MYO5A: variants seen among roughly 807,000 people sequenced by gnomAD.
MYO5A encodes the protein unconventional myosin-Va.
A neutral mutation model predicts 249.7 loss-of-function variants in MYO5A; 98 were observed. The observed-to-expected ratio is 0.39, with a 90% CI of 0.33 to 0.46. The LOEUF is 0.46. MYO5A is among the 20% of genes least tolerant of loss of function. The pLI, the probability that MYO5A is intolerant of heterozygous loss-of-function variation, is 0.98. For missense variants in MYO5A, 1,696 were observed against 2,308.8 expected, an observed-to-expected ratio of 0.73 and a Z score of 5.44; for synonymous variants, 778 against 810.6, an observed-to-expected ratio of 0.96 and a Z score of 0.68.
chr15:52,528,937 G>A (rs2141688894), upstream of MYO5A: 1 of 703,442 alleles, frequency 1.4e-6, no homozygotes, highest in East Asian at 8.3e-5. Flanking sequence ...GGGCGGGGAG[G>A]GCCGCGCGGG....
intron 10 of MYO5A, 102 bp downstream of exon 10, chr15:52,397,099 C>G: frequency 7.1e-7 from 1 of 1,400,848 alleles, no homozygotes; most frequent in Non-Finnish European, 9.9e-7. Flanking sequence ...AGTTTCCCTT[C>G]TCTTTACCAG....
At chr15:52,402,958 C>T (rs1344124440) in intron 9 of MYO5A, among the ~76,000 whole-genome samples, 1 of 152,190 alleles carries the variant, frequency 6.6e-6, no homozygotes, top group East Asian at 1.9e-4. Context: ...ATCAAATCAA[C>T]AAAGTTGACA....
intron 1 of MYO5A, among the ~76,000 whole-genome samples, chr15:52,475,212 C>T (rs557624960): frequency 1.4e-4 from 22 of 152,222 alleles, no homozygotes; most frequent in African/African-American, 5.3e-4. Flanking sequence ...TAGTTTGTAT[C>T]TCTGTGAGAT....
chr15:52,375,248 T>C, intron 20 of MYO5A, 56 bp downstream of exon 20: 1 of 1,574,000 alleles, frequency 6.4e-7, no homozygotes, highest in South Asian at 1.1e-5. Flanking sequence ...TGTATAGATG[T>C]GAAATTTGGT....
At chr15:52,527,968 T>G (rs2077756079) in intron 1 of MYO5A, among the ~76,000 whole-genome samples, 1 of 152,216 alleles carries the variant, frequency 6.6e-6, no homozygotes, top group Admixed American at 6.5e-5. Flanking sequence ...ATCACAAATC[T>G]GCGCAGCACT....
At chr15:52,448,592 G>A (rs189995281) in intron 1 of MYO5A, among the ~76,000 whole-genome samples, 8 of 152,072 alleles carry the variant, frequency 5.3e-5, no homozygotes, top group Non-Finnish European at 1.2e-4. Context: ...AGAATGATAC[G>A]GTTTGAGTCT....
chr15:52,329,941 C>A (rs1450239799), intron 35 of MYO5A, among the ~76,000 whole-genome samples: 2 of 110,182 alleles, frequency 1.8e-5, no homozygotes, highest in East Asian at 2.3e-4. Flanking sequence ...TGGAGAGATG[C>A]GGTCTTGCTA....
At chr15:52,318,941 G>T in intron 39 of MYO5A, 119 bp downstream of exon 39, 1 of 1,297,506 alleles carries the variant, frequency 7.7e-7, no homozygotes, top group Non-Finnish European at 1.1e-6. Flanking sequence ...CTTGCTGCTT[G>T]GCCACATGGC....
At chr15:52,503,916 T>C (rs2077207883) in intron 1 of MYO5A, among the ~76,000 whole-genome samples, 1 of 152,214 alleles carries the variant, frequency 6.6e-6, no homozygotes, top group Non-Finnish European at 1.5e-5. Flanking sequence ...GGTTAGCACA[T>C]GATCGACATT....
intron 1 of MYO5A, among the ~76,000 whole-genome samples, chr15:52,471,592 A>ACACACACACACAC (rs147100275): frequency 6.9e-6 from 1 of 144,872 alleles, no homozygotes. Context: ...CTGTCTCTAA[A>ACACACACACACAC]ACACACACAC....
chr15:52,413,869 T>G (rs951618875), intron 5 of MYO5A, among the ~76,000 whole-genome samples: 2 of 152,184 alleles, frequency 1.3e-5, no homozygotes, highest in African/African-American at 4.8e-5. Flanking sequence ...GCATAGCTGA[T>G]CCCTTTATCT....
intron 1 of MYO5A, among the ~76,000 whole-genome samples, chr15:52,439,387 G>T (rs1219400046): frequency 3.3e-5 from 5 of 152,146 alleles, no homozygotes; most frequent in Non-Finnish European, 5.9e-5. Flanking sequence ...ATTATCTTGT[G>T]AGAGTCTCTC....
At chr15:52,363,580 T>C (rs1211660682) in intron 24 of MYO5A, among the ~76,000 whole-genome samples, 1 of 152,234 alleles carries the variant, frequency 6.6e-6, no homozygotes, top group Non-Finnish European at 1.5e-5. Flanking sequence ...ACTTTGTCAG[T>C]AGGTCCAGAT....
chr15:52,416,407 T>C, intron 4 of MYO5A, 106 bp from the exon 5 acceptor site: 1 of 1,255,420 alleles, frequency 8.0e-7, no homozygotes, highest in Non-Finnish European at 1.1e-6. Flanking sequence ...TTAATGGATT[T>C]TTTGGTCGAT....
chr15:52,490,235 G>A (rs530150777), intron 1 of MYO5A, among the ~76,000 whole-genome samples: 3 of 152,220 alleles, frequency 2.0e-5, no homozygotes, highest in South Asian at 4.1e-4. Flanking sequence ...CCCACTTCTG[G>A]TTATATATCC....
At chr15:52,411,301 A>G (rs2043237220) in intron 5 of MYO5A, among the ~76,000 whole-genome samples, 1 of 152,186 alleles carries the variant, frequency 6.6e-6, no homozygotes, top group African/African-American at 2.4e-5. Flanking sequence ...GTCCAGTTAG[A>G]CTATTTATTA....
At chr15:52,433,358 CTATT>C in intron 1 of MYO5A, 73 bp from the exon 2 acceptor site, 3 of 719,604 alleles carry the variant, frequency 4.2e-6, no homozygotes, top group Non-Finnish European at 7.1e-6. Flanking sequence ...CATATGATAA[CTATT>C]TATAATTAAA....
At position 52,505,075 on chromosome 15, in the gene MYO5A, C is replaced by T. The variant is rs2077240485; in HGVS notation, c.27+23705G>A. On this transcript the variant is annotated intron_variant, in intron 1 of 41. Transcript: ENST00000399233. ...TGTGGAGGTAGGAATTTAAGACAGG[C>T]CCATTTTATTAATTTATTTTCAAAT... 5 of 563,266 alleles carry T rather than the reference C, an allele frequency of 8.9e-6. No homozygotes were observed. In the South Asian group the frequency reaches 1.0e-4, roughly 12 times the overall value. The allele number at this position is 563,266 out of a possible 1,614,324, so 34.9% of individuals were successfully genotyped here. A position where few individuals can be genotyped will look rare whatever the true frequency, so the allele number is the denominator to read the frequency against.
chr15:52,485,370 T>C lies in MYO5A; in HGVS notation c.27+43410A>G, dbSNP rs374310233. Among the ~76,000 whole-genome samples the C allele has an allele frequency of 9.1e-4, 139 of 152,142 alleles. 1 individual carries two copies. The highest frequency in any genetic ancestry group is 3.2e-3 in the African/African-American group (133 of 41,512). On this transcript the variant is annotated intron_variant, in intron 1 of 41. Transcript: ENST00000399233. ...AAGTAGTATATATTCTCAAATACTA[T>C]TGGAATTAAGGGGACAATTAGAATC...
Sources: gnomAD v4.1 joint callset for allele counts (sites outside exome capture counted in the v4.1 genomes callset) on GRCh38, gnomAD v4.1.1 for gene constraint, MANE v1.5 for transcripts, NCBI Gene and HGNC (gene_info 2026-07-23, HGNC 2026-07-21) for gene names.